KCNT2: variants seen among roughly 807,000 people sequenced by gnomAD.
KCNT2 encodes potassium channel subfamily T member 2.
In KCNT2, 67 loss-of-function variants were observed where a neutral mutation model predicts 153.8. That is an observed-to-expected ratio of 0.44 (90% CI 0.36 to 0.53). The LOEUF (loss-of-function observed/expected upper bound fraction) is 0.53. KCNT2 is among the 20% of genes least tolerant of loss of function. The probability of loss-of-function intolerance (pLI) is 0.00; values close to 1 mark genes in which losing one functional copy is unlikely to be tolerated. For synonymous variants in KCNT2, 500 were observed against 458.8 expected (o/e 1.09, Z -1.15); for missense variants, 975 against 1,354.8 (o/e 0.72, Z 4.40).
chr1:196,519,863 A>T (rs569908821), intron 1 of KCNT2, among the ~76,000 whole-genome samples: 2 of 152,290 alleles, frequency 1.3e-5, no homozygotes, highest in Admixed American at 1.3e-4. Context: ...ATTCTACCAG[A>T]TGTACAAGGA....
chr1:196,327,857 G>A (rs1416814135), intron 18 of KCNT2, among the ~76,000 whole-genome samples: 1 of 151,396 alleles, frequency 6.6e-6, no homozygotes, highest in Non-Finnish European at 1.5e-5. Context: ...TTGTAGATAC[G>A]GGGTCCTGGG....
At chr1:196,438,084 G>A (rs1320882599) in intron 8 of KCNT2, among the ~76,000 whole-genome samples, 1 of 151,446 alleles carries the variant, frequency 6.6e-6, no homozygotes, top group African/African-American at 2.4e-5. Context: ...CTTCCCATTG[G>A]CTATAATGAG....
At chr1:196,439,930 C>T (rs183396685) in intron 8 of KCNT2, among the ~76,000 whole-genome samples, 2 of 151,918 alleles carry the variant, frequency 1.3e-5, no homozygotes, top group Admixed American at 1.3e-4. Context: ...ACGACAAATA[C>T]CTAATGCATA....
At chr1:196,317,056 C>T (rs1662796677) in intron 20 of KCNT2, 2 of 207,968 alleles carry the variant, frequency 9.6e-6, no homozygotes. Context: ...CCCTGAGGAT[C>T]TTTTCCAAGT....
chr1:196,384,690 G>T (rs1669805582), intron 13 of KCNT2, among the ~76,000 whole-genome samples: 1 of 113,948 alleles, frequency 8.8e-6, no homozygotes, highest in African/African-American at 3.5e-5. Context: ...CTGGGTGACA[G>T]AGTGAGACCC....
At chr1:196,317,812 C>A (rs971991648) in intron 20 of KCNT2, among the ~76,000 whole-genome samples, 1 of 151,602 alleles carries the variant, frequency 6.6e-6, no homozygotes, top group African/African-American at 2.4e-5. Context: ...TCGGTTAATT[C>A]CAGTCTCAAA....
chr1:196,404,174 A>G, intron 12 of KCNT2: 1 of 974,548 alleles, frequency 1.0e-6, no homozygotes, highest in Middle Eastern at 5.3e-4. Flanking sequence ...TTATGCCTCT[A>G]AAGACTGCTC....
chr1:196,372,603 T>C (rs1190232838), intron 14 of KCNT2, among the ~76,000 whole-genome samples: 1 of 151,946 alleles, frequency 6.6e-6, no homozygotes, highest in East Asian at 1.9e-4. Flanking sequence ...GGTACAACTT[T>C]CTCCAACCTT....
intron 23 of KCNT2, among the ~76,000 whole-genome samples, chr1:196,285,302 T>G (rs142463578): frequency 1.9e-4 from 29 of 152,336 alleles, no homozygotes; most frequent in African/African-American, 6.7e-4. Context: ...CTATAAGGAA[T>G]GCTGTTTTTA....
rs777538563 is a variant in KCNT2, at chr1:196,425,947, T to C, written c.1026A>G (p.Val342=). ...VVILCPTEMD[V]QVRRVLQIPM... ...GAATCTGCAGTACCCTTCGAACCTG[T>C]ACATCCATTTCAGTAGGACACAAAA... is the stretch of plus-strand genomic sequence containing the variant. Residue 342 remains valine (V), a synonymous_variant, in exon 11 of 28, where the codon GTA becomes GTG. Transcript: ENST00000294725. 8.1e-6 allele frequency: 13 copies of C among 1,612,170 alleles called. No homozygotes were observed. Among genetic ancestry groups the C allele is most frequent in the Admixed American group, 3.3e-5 (2 of 59,852 alleles).
At chr1:196,544,575 T>TGTTTTACTC (rs1656825648) in intron 1 of KCNT2, among the ~76,000 whole-genome samples, 1 of 152,132 alleles carries the variant, frequency 6.6e-6, no homozygotes, top group African/African-American at 2.4e-5. Context: ...TAAATGGGAT[T>TGTTTTACTC]GCATTTAGAA....
At chr1:196,239,579 T>C (rs1252876142) in intron 26 of KCNT2, among the ~76,000 whole-genome samples, 1 of 152,022 alleles carries the variant, frequency 6.6e-6, no homozygotes, top group Non-Finnish European at 1.5e-5. Flanking sequence ...ATGAGTCCTA[T>C]TCCATACACA....
At chr1:196,436,364 G>A (rs1674654120) in intron 8 of KCNT2, among the ~76,000 whole-genome samples, 1 of 151,532 alleles carries the variant, frequency 6.6e-6, no homozygotes, top group Non-Finnish European at 1.5e-5. Context: ...AGGAAGAGAA[G>A]AAAGTGTGCC....
intron 19 of KCNT2, among the ~76,000 whole-genome samples, chr1:196,324,986 T>G (rs1169537862): frequency 1.3e-5 from 2 of 152,184 alleles, no homozygotes; most frequent in South Asian, 2.1e-4. Context: ...AACATACAAG[T>G]AAAACACTTC....
intron 12 of KCNT2, among the ~76,000 whole-genome samples, chr1:196,419,573 C>G (rs1673031092): frequency 6.6e-6 from 1 of 151,512 alleles, no homozygotes; most frequent in African/African-American, 2.4e-5. Flanking sequence ...TTTCTTAATC[C>G]AGTCTATCAT....
Position 196,339,520 on chromosome 1 carries a change from C to G in KCNT2, c.1783+821G>C, listed in dbSNP as rs74136517. Among the ~76,000 whole-genome samples the G allele has an allele frequency of 5.7e-3, 793 of 137,980 alleles. 11 individuals are homozygous for G. Among genetic ancestry groups the G allele is most frequent in the African/African-American group, 0.017 (610 of 34,960 alleles). 90.5% of individuals were successfully genotyped at this position (137,980 alleles called of 152,430 possible). On this transcript the variant is annotated intron_variant, in intron 16 of 27. Coordinates refer to ENST00000294725, the MANE Select transcript of KCNT2 (RefSeq NM_198503.5). ...AGATATGAAGAGACACACACACACACAGAGAGAGAGAGAGAGAGAGAGAGA... is the reference window on the plus strand; with the variant it reads ...AGATATGAAGAGACACACACACACAGAGAGAGAGAGAGAGAGAGAGAGAGA...
chr1:196,585,032 C>T (rs569287810), intron 1 of KCNT2, among the ~76,000 whole-genome samples: 2 of 151,978 alleles, frequency 1.3e-5, no homozygotes, highest in Non-Finnish European at 2.9e-5. Flanking sequence ...GCAGAAGAGG[C>T]TTATCATTCA....
intron 1 of KCNT2, among the ~76,000 whole-genome samples, chr1:196,602,911 C>G (rs1384327968): frequency 1.3e-5 from 2 of 150,252 alleles, no homozygotes; most frequent in African/African-American, 2.4e-5. Context: ...CTCAGCCTCC[C>G]GAGTAGCTGG....
intron 1 of KCNT2, among the ~76,000 whole-genome samples, chr1:196,539,271 CAA>C (rs1656017852): frequency 6.6e-6 from 1 of 152,098 alleles, no homozygotes; most frequent in African/African-American, 2.4e-5. Flanking sequence ...TTAACTAATT[CAA>C]TAAATATTTG....
Sources: gnomAD v4.1 joint callset for allele counts (sites outside exome capture counted in the v4.1 genomes callset) on GRCh38, gnomAD v4.1.1 for gene constraint, MANE v1.5 for transcripts, NCBI Gene and HGNC (gene_info 2026-07-23, HGNC 2026-07-21) for gene names.